The following STK3 variants were observed in gnomAD, a reference collection of about 807,000 sequenced individuals.
STK3 encodes the protein serine/threonine kinase 3.
Under a neutral mutation model 58.0 loss-of-function variants are expected in STK3, and 41 were observed. The observed-to-expected ratio is 0.71, with a 90% CI of 0.55 to 0.92. The LOEUF (loss-of-function observed/expected upper bound fraction) is 0.92, where lower values mean the gene tolerates loss of function less well. Among genes scored for constraint, STK3 ranks in the 40% least tolerant of loss-of-function variants. STK3 has a pLI of 0.00. For missense variants in STK3, 479 were observed against 602.7 expected (o/e 0.79, Z 2.15); for synonymous variants, 170 against 191.0 (o/e 0.89, Z 0.91).
chr8:98,650,044 T>G (rs567405262), intron 6 of STK3, among the ~76,000 whole-genome samples: 1 of 152,330 alleles, frequency 6.6e-6, no homozygotes, highest in South Asian at 2.1e-4. Context: ...TTATCAGCAC[T>G]GAGAAAGGCT....
intron 1 of STK3, among the ~76,000 whole-genome samples, chr8:98,780,163 CTA>C (rs1332886245): frequency 1.3e-5 from 2 of 150,966 alleles, no homozygotes; most frequent in Non-Finnish European, 3.0e-5. Context: ...TATATTTTAC[CTA>C]TTATAATTAT....
intron 3 of STK3, among the ~76,000 whole-genome samples, chr8:98,405,842 AACCATCAGATCTCGTGAG>A (rs1263624760): frequency 2.0e-5 from 3 of 152,186 alleles, no homozygotes; most frequent in Non-Finnish European, 4.4e-5. Flanking sequence ...CTCTTTTTAA[AACCATCAGATCTCGTGAG>A]ACTTATTCAC....
At chr8:98,485,996 A>G (rs1822224548) in intron 10 of STK3, among the ~76,000 whole-genome samples, 2 of 152,226 alleles carry the variant, frequency 1.3e-5, no homozygotes, top group Admixed American at 1.3e-4. Context: ...GCGTAGATTA[A>G]GGACAGTAGC....
chr8:98,404,358 G>A (rs941822676), intron 3 of STK3, among the ~76,000 whole-genome samples: 5 of 152,056 alleles, frequency 3.3e-5, no homozygotes, highest in Non-Finnish European at 5.9e-5. Context: ...ACAACATAGC[G>A]AGACTCCATG....
chr8:98,420,253 C>A (rs376473496), intron 3 of STK3, among the ~76,000 whole-genome samples: 10 of 152,150 alleles, frequency 6.6e-5, no homozygotes, highest in East Asian at 5.8e-4. Flanking sequence ...TACAGGTGCT[C>A]CCCACCCCTT....
At chr8:98,792,896 A>ATGTGTGTGTGTGTGTG (rs34465301) in intron 1 of STK3, among the ~76,000 whole-genome samples, 96 of 145,760 alleles carry the variant, frequency 6.6e-4, no homozygotes, top group African/African-American at 2.2e-3. Flanking sequence ...AAGAGACTGT[A>ATGTGTGTGTGTGTGTG]TGTGTGTGTG....
At chr8:98,653,655 C>A (rs1017315675) in intron 6 of STK3, among the ~76,000 whole-genome samples, 13 of 152,138 alleles carry the variant, frequency 8.5e-5, no homozygotes, top group African/African-American at 1.2e-4. Context: ...GGGGATATCA[C>A]GACCGATCCC....
chr8:98,532,909 T>C (rs927900201), intron 9 of STK3, among the ~76,000 whole-genome samples: 2 of 152,194 alleles, frequency 1.3e-5, no homozygotes, highest in African/African-American at 4.8e-5. Context: ...ACTCTGGATA[T>C]GTCATATAAG....
chr8:98,511,619 T>C (rs1026111141), intron 10 of STK3, among the ~76,000 whole-genome samples: 3 of 152,096 alleles, frequency 2.0e-5, no homozygotes, highest in African/African-American at 7.2e-5. Context: ...TGAATTAAAA[T>C]AATAGTTTCC....
intron 1 of STK3, among the ~76,000 whole-genome samples, chr8:98,440,565 G>C (rs917519082): frequency 1.4e-4 from 6 of 42,362 alleles, no homozygotes; most frequent in African/African-American, 5.4e-4. Context: ...ACATAAGCAC[G>C]TGTGTGTGTG....
intron 6 of STK3, among the ~76,000 whole-genome samples, chr8:98,615,136 C>G (rs1817578108): frequency 6.6e-6 from 1 of 151,828 alleles, no homozygotes; most frequent in South Asian, 2.1e-4. Context: ...ACTACCTCCT[C>G]AAGTGGGTCC....
At chr8:98,742,703 C>T (rs1829317894) in intron 4 of STK3, among the ~76,000 whole-genome samples, 1 of 151,620 alleles carries the variant, frequency 6.6e-6, no homozygotes, top group East Asian at 1.9e-4. Flanking sequence ...CACTCCTATT[C>T]AACACAGTGT....
chr8:98,597,780 G>A, intron 6 of STK3: 1 of 982,624 alleles, frequency 1.0e-6, no homozygotes, highest in Non-Finnish European at 1.2e-6. Flanking sequence ...TTTAAAATAG[G>A]ATACATATCT....
chr8:98,442,817 A>C (rs1332130240), intron 1 of STK3, among the ~76,000 whole-genome samples: 1 of 152,204 alleles, frequency 6.6e-6, no homozygotes, highest in Non-Finnish European at 1.5e-5. Flanking sequence ...TATCTTCTCA[A>C]CACCTCAACT....
intron 10 of STK3, among the ~76,000 whole-genome samples, chr8:98,521,646 C>A (rs1378224451): frequency 6.6e-6 from 1 of 152,050 alleles, no homozygotes; most frequent in Non-Finnish European, 1.5e-5. Context: ...AAGCTTTCAC[C>A]CTCTGATCTG....
intron 4 of STK3, among the ~76,000 whole-genome samples, chr8:98,744,584 G>C (rs192562396): frequency 0.011 from 1,253 of 110,210 alleles, 30 homozygotes; most frequent in African/African-American, 0.042. Context: ...GACTGTTGTG[G>C]GGTGGGGGGT....
At chr8:98,780,354 C>T (rs905417898) in intron 1 of STK3, among the ~76,000 whole-genome samples, 11 of 152,030 alleles carry the variant, frequency 7.2e-5, no homozygotes, top group African/African-American at 2.7e-4. Flanking sequence ...AACTTATTAG[C>T]TCAGTGTAGA....
chr8:98,670,800 C>G (rs1822770867), intron 6 of STK3, among the ~76,000 whole-genome samples: 1 of 152,322 alleles, frequency 6.6e-6, no homozygotes, highest in African/African-American at 2.4e-5. Context: ...CCTTCCTGTC[C>G]CCTCTCTAGA....
intron 6 of STK3, among the ~76,000 whole-genome samples, chr8:98,641,907 T>C (rs1206766041): frequency 6.6e-6 from 1 of 152,220 alleles, no homozygotes; most frequent in East Asian, 1.9e-4. Context: ...CTATGTTGTC[T>C]TTCTTAGAGG....
Sources: gnomAD v4.1 joint callset for allele counts (sites outside exome capture counted in the v4.1 genomes callset) on GRCh38, gnomAD v4.1.1 for gene constraint, MANE v1.5 for transcripts, NCBI Gene and HGNC (gene_info 2026-07-23, HGNC 2026-07-21) for gene names.